PHKA2: variants seen among roughly 807,000 people sequenced by gnomAD.
PHKA2 encodes phosphorylase b kinase regulatory subunit alpha, liver isoform.
Under a neutral mutation model 102.0 loss-of-function variants are expected in PHKA2, and 31 were observed. That is an observed-to-expected ratio of 0.30 (90% CI 0.23 to 0.41). PHKA2 has a LOEUF of 0.41. Ranked by LOEUF, PHKA2 falls within the 10% of genes least tolerant of loss-of-function variation. The probability of loss-of-function intolerance (pLI) is 1.00; values close to 1 mark genes in which losing one functional copy is unlikely to be tolerated. For synonymous variants in PHKA2, 455 were observed against 416.2 expected (o/e 1.09, Z -1.13); for missense variants, 858 against 1,023.1 (o/e 0.84, Z 2.20).
intron 26 of PHKA2, among the ~76,000 whole-genome samples, chrX:18,903,704 G>A: frequency 8.9e-6 from 1 of 112,163 alleles, no homozygotes; most frequent in Non-Finnish European, 1.9e-5. Flanking sequence ...CTGATGCACT[G>A]CACCAGGCCA....
chrX:18,921,184 C>T (rs2147900817), intron 17 of PHKA2, among the ~76,000 whole-genome samples: 1 of 111,748 alleles, frequency 8.9e-6, no homozygotes, highest in African/African-American at 3.3e-5. Flanking sequence ...AATCCCAGCA[C>T]TTTGGGAGGC....
chrX:18,973,873 C>G (rs142674623), intron 1 of PHKA2, among the ~76,000 whole-genome samples: 254 of 112,007 alleles, frequency 2.3e-3, no homozygotes, highest in African/African-American at 7.9e-3. Context: ...CAACGATTAT[C>G]TAGAAATCCC....
At position 18,894,828 on chromosome X, in the gene PHKA2, T is replaced by TG. The variant is rs765185892; in HGVS notation, c.3336+309dup. 10 of 404,470 alleles carry TG rather than the reference T, an allele frequency of 2.5e-5. No individual in the cohort carries two copies. The South Asian group carries it at 3.4e-4, about 14-fold the overall frequency. The allele number at this position is 404,470 out of a possible 1,213,427, so 33.3% of individuals were successfully genotyped here. On this transcript the variant is annotated intron_variant, in intron 31 of 32. Coordinates refer to ENST00000379942, the MANE Select transcript of PHKA2 (RefSeq NM_000292.3). ...AGAAAAGGGCCGAGAAGGCTGCCCA[T>TG]GGGGCAGGCCAGGGTGGCATGGAGA...
At position 18,919,421 on chromosome X, in the gene PHKA2, C is replaced by G. The variant is rs750888946; in HGVS notation, c.1964-567G>C. Among the ~76,000 whole-genome samples the G allele has an allele frequency of 7.3e-4, 82 of 111,739 alleles. 1 individual carries two copies. The highest frequency in any genetic ancestry group is 2.6e-3 in the African/African-American group (80 of 30,776). On this transcript the variant is annotated intron_variant, in intron 18 of 32. Transcript: ENST00000379942. ...TGTATTCTGTGCAAAGTCCCCATTC[C>G]TGGCCAGCCACGGTGGCTCATGCCT...
Position 18,940,020 on chromosome X carries a change from C to T in PHKA2, c.893G>A (p.Arg298Gln), listed in dbSNP as rs1359540820. 1 of 1,191,195 alleles carries T rather than the reference C, an allele frequency of 8.4e-7. No individual in the cohort carries two copies. The highest frequency in any genetic ancestry group is 3.0e-5 in the East Asian group (1 of 33,701). Residue 298 changes from arginine to glutamine, a missense_variant, in exon 9 of 33, where the codon CGA becomes CAA. Physicochemically the swap from Arg to Gln is conservative, Grantham distance 43 (BLOSUM62 1). This residue lies in a region of PHKA2 where 187 missense variants were observed against 277.9 expected (regional missense o/e 0.67). Coordinates refer to ENST00000379942, the MANE Select transcript of PHKA2 (RefSeq NM_000292.3). ...QGRYGCCRFL[R>Q]DGYKTPREDP... ...CTCTCTTGGAGTTTTATAACCATCT[C>T]GAAGGAAGCGACAGCATCCATAACG...
chrX:18,912,438 T>C (rs2047942187), intron 19 of PHKA2, among the ~76,000 whole-genome samples: 1 of 110,925 alleles, frequency 9.0e-6, no homozygotes, highest in Non-Finnish European at 1.9e-5. Flanking sequence ...AACACAATAG[T>C]ATTTGTGTGT....
At chrX:18,944,894 G>A (rs2048553548) in intron 6 of PHKA2, among the ~76,000 whole-genome samples, 184 bp downstream of exon 6, 2 of 112,328 alleles carry the variant, frequency 1.8e-5, no homozygotes, top group African/African-American at 6.5e-5. Flanking sequence ...TTTCAGCATT[G>A]GAAACCTACC....
chrX:18,940,418 A>G (rs1261480082), intron 8 of PHKA2, among the ~76,000 whole-genome samples: 1 of 111,866 alleles, frequency 8.9e-6, no homozygotes, highest in Non-Finnish European at 1.9e-5. Flanking sequence ...TACTTGCAAG[A>G]TTGGAAAGCT....
At position 18,895,244 on chromosome X, in the gene PHKA2, A is replaced by ATGCATGCACACACAGGCG. The variant is rs753330868; in HGVS notation, c.3283-71_3283-54dup. The ATGCATGCACACACAGGCG allele has an allele frequency of 9.1e-4, 975 of 1,075,190 alleles. 2 individuals are homozygous for ATGCATGCACACACAGGCG. The highest frequency in any genetic ancestry group is 4.5e-3 in the Middle Eastern group (18 of 3,962). The allele number at this position is 1,075,190 out of a possible 1,213,427, so 88.6% of individuals were successfully genotyped here. On this transcript the variant is annotated intron_variant, in intron 30 of 32. Transcript: ENST00000379942. ...TCAGATTCCAGAATGGGATAAGCAC[A>ATGCATGCACACACAGGCG]TGCATGCACACACAGGCGTGCATGC... is the stretch of plus-strand genomic sequence containing the variant.
At chrX:18,942,719 G>A (rs1004173280) in intron 7 of PHKA2, among the ~76,000 whole-genome samples, 6 of 109,637 alleles carry the variant, frequency 5.5e-5, no homozygotes, top group Non-Finnish European at 7.6e-5. Context: ...TGGGTGACAC[G>A]TGCCTGTAGT....
intron 29 of PHKA2, chrX:18,898,200 C>T (rs1259704989): frequency 8.9e-6 from 1 of 112,980 alleles, no homozygotes; most frequent in African/African-American, 3.2e-5. Context: ...TGAACTGGGG[C>T]TGACTTTGCT....
At chrX:18,969,175 C>T (rs1389837804) in intron 1 of PHKA2, among the ~76,000 whole-genome samples, 1 of 110,031 alleles carries the variant, frequency 9.1e-6, no homozygotes, top group African/African-American at 3.3e-5. Context: ...TAAATTTTAT[C>T]ACTGGCAACA....
Position 18,964,292 on chromosome X carries a change from C to T in PHKA2, c.79-9880G>A, listed in dbSNP as rs771555298. 3.6e-5 allele frequency among the ~76,000 whole-genome samples: 4 copies of T among 111,880 alleles called. No homozygotes were observed. In the South Asian group the frequency reaches 1.5e-3, roughly 42 times the overall value. On this transcript the variant is annotated intron_variant, in intron 1 of 32. Transcript: ENST00000379942. ...TGTTCTCCTGTGGGAGCTCCCTCCT[C>T]TGCAAAGCCTTCCCTGATCTCCCAG...
chrX:18,910,820 C>T (rs2047908796), intron 20 of PHKA2, 52 bp downstream of exon 20: 3 of 738,710 alleles, frequency 4.1e-6, no homozygotes, highest in East Asian at 7.1e-5. Flanking sequence ...GGGGACTCAT[C>T]CTGCATTGTA....
Position 18,941,516 on chromosome X carries a change from G to A in PHKA2, c.864+13C>T. On this transcript the variant is annotated intron_variant, in intron 8 of 32. Coordinates refer to ENST00000379942, the MANE Select transcript of PHKA2 (RefSeq NM_000292.3). ...ACACAGGACAGAAGGGCACCAGCATGACTAATGCTTACCTGGAGCTTAGAA... is the reference window on the plus strand; with the variant it reads ...ACACAGGACAGAAGGGCACCAGCATAACTAATGCTTACCTGGAGCTTAGAA... 5 of 1,205,024 alleles carry A rather than the reference G, an allele frequency of 4.1e-6. No individual in the cohort carries two copies. Among genetic ancestry groups the A allele is most frequent in the Non-Finnish European group, 5.6e-6 (5 of 889,182 alleles).
rs1422693446 is a variant in PHKA2 at position 18,896,057 on chromosome X, C to CAGAA, written c.3283-870_3283-867dup. 4 of 112,362 alleles carry CAGAA rather than the reference C, an allele frequency of 3.6e-5. No individual in the cohort carries two copies. The East Asian group carries it at 1.1e-3, about 32-fold the overall frequency. The allele number at this position is 112,362 out of a possible 1,213,427, so 9.3% of individuals were successfully genotyped here. A position where few individuals can be genotyped will look rare whatever the true frequency, so the allele number is the denominator to read the frequency against. ...CCATGAAGCACAGGGGCCCCTGTTA[C>CAGAA]AGAAAGAACCTTGAGCAAGTGGTGC... On this transcript the variant is annotated intron_variant, in intron 30 of 32. Transcript: ENST00000379942.
At chrX:18,930,489 A>G (rs1256743698) in intron 12 of PHKA2, among the ~76,000 whole-genome samples, 1 of 110,976 alleles carries the variant, frequency 9.0e-6, no homozygotes. Flanking sequence ...ATCAGAGAGG[A>G]GAAAGCAGGG....
chrX:18,895,244 ATGCATGCACACACAGGCG>A (rs753330868), intron 30 of PHKA2, 53 bp from the exon 31 acceptor site: 301 of 1,075,193 alleles, frequency 2.8e-4, no homozygotes, highest in Middle Eastern at 7.6e-4. Flanking sequence ...GGATAAGCAC[ATGCATGCACACACAGGCG>A]TGCATGCACA....
chrX:18,918,747 T>C lies in PHKA2; in HGVS notation c.2071A>G (p.Ser691Gly). 4 of 1,208,339 alleles carry C rather than the reference T, an allele frequency of 3.3e-6. No individual in the cohort carries two copies. Among genetic ancestry groups the C allele is most frequent in the Non-Finnish European group, 4.5e-6 (4 of 892,038 alleles). The change falls in exon 19 of 33, where the codon AGT becomes GGT. Residue 691 changes from serine (S) to glycine (G), a missense_variant. Physicochemically the swap from Ser to Gly is moderately conservative, Grantham distance 56 (BLOSUM62 0). Coordinates refer to ENST00000379942, the MANE Select transcript of PHKA2 (RefSeq NM_000292.3). ...ATGTCCCGCGTGGAGTGGATAGCAC[T>C]GAAGACATGGCGGTCTTCTGTGTTC... is the stretch of plus-strand genomic sequence containing the variant. Reference protein sequence around the residue: ...CKNTEDRHVFSAIHSTRDILS... With the variant: ...CKNTEDRHVFGAIHSTRDILS...
Sources: allele counts gnomAD v4.1 joint callset (sites outside exome capture counted in the v4.1 genomes callset), GRCh38; gene constraint gnomAD v4.1.1; regional missense constraint gnomAD v4.1.1; transcripts MANE v1.5; gene names NCBI Gene and HGNC (gene_info 2026-07-23, HGNC 2026-07-21).